Variants in DAO observed in about 807,000 individuals in gnomAD.
DAO encodes D-amino acid oxidase.
DAO carries 51 observed loss-of-function variants against 50.1 expected under a neutral mutation model. That is an observed-to-expected ratio of 1.02 (90% confidence interval 0.81 to 1.29). The LOEUF (loss-of-function observed/expected upper bound fraction) is 1.29. Ranked by LOEUF, DAO falls within the 50% of genes most tolerant of loss-of-function variation. The pLI is 0.00. For missense variants in DAO, 436 were observed against 439.4 expected (o/e 0.99, Z 0.07); for synonymous variants, 160 against 166.2 (o/e 0.96, Z 0.29).
At chr12:108,895,046 A>G (rs1206694446) in intron 7 of DAO, among the ~76,000 whole-genome samples, 2 of 152,234 alleles carry the variant, frequency 1.3e-5, no homozygotes, top group Non-Finnish European at 2.9e-5. Context: ...TGATGGCCAC[A>G]GCCCTTCGAG....
intron 8 of DAO, 49 bp from the exon 9 acceptor site, chr12:108,898,630 T>C (rs1462963826): frequency 2.4e-6 from 3 of 1,273,096 alleles, no homozygotes; most frequent in Admixed American, 3.4e-5. Context: ...TTTATTCATC[T>C]CAGAGCCTTC....
rs141263834 is a variant in DAO at position 108,885,051 on chromosome 12, C to T, written c.45C>T (p.Thr15=). 221 of 1,614,158 alleles carry T rather than the reference C, an allele frequency of 1.4e-4. 2 individuals carry two copies. In the African/African-American group the frequency reaches 2.5e-3, roughly 18 times the overall value. The change falls in exon 2 of 11, where the codon ACC becomes ACT. Residue 15 remains threonine, a synonymous_variant. Transcript: ENST00000228476. ...GAGCAGGAGTCATCGGGCTGTCCAC[C>T]GCCCTCTGCATCCATGAGCGCTACC... is the stretch of plus-strand genomic sequence containing the variant. ...VIGAGVIGLS[T]ALCIHERYHS...
chr12:108,899,264 T>C (rs978000132), intron 9 of DAO, 113 bp from the exon 10 acceptor site: 11 of 733,914 alleles, frequency 1.5e-5, no homozygotes, highest in Non-Finnish European at 2.4e-5. Context: ...AAGATGACTG[T>C]GATTATATTA....
At chr12:108,896,983 A>G (rs765102750) in intron 7 of DAO, 23 bp from the exon 8 acceptor site, 19 of 1,598,136 alleles carry the variant, frequency 1.2e-5, no homozygotes, top group Middle Eastern at 3.3e-4. Flanking sequence ...CGCTGATGAG[A>G]CTTTCCTGCC....
intron 1 of DAO, among the ~76,000 whole-genome samples, chr12:108,882,168 T>C (rs1168089151): frequency 6.6e-6 from 1 of 152,116 alleles, no homozygotes; most frequent in Non-Finnish European, 1.5e-5. Context: ...CAGGAGCTGA[T>C]ATTCCAGTGA....
chr12:108,897,230 T>G, intron 8 of DAO, 142 bp downstream of exon 8: 1 of 684,664 alleles, frequency 1.5e-6, no homozygotes, highest in Non-Finnish European at 2.6e-6. Flanking sequence ...TATTATTATT[T>G]TTTGAGACAG....
At chr12:108,892,055 C>A (rs115462905) in intron 5 of DAO, among the ~76,000 whole-genome samples, 1 of 151,770 alleles carries the variant, frequency 6.6e-6, no homozygotes, top group African/African-American at 2.4e-5. Flanking sequence ...GTTTTTCTAT[C>A]TTGAGGAAAT....
intron 2 of DAO, among the ~76,000 whole-genome samples, chr12:108,885,966 G>T (rs1377942188): frequency 6.6e-6 from 1 of 152,168 alleles, no homozygotes; most frequent in Non-Finnish European, 1.5e-5. Flanking sequence ...TGGCCAGACT[G>T]GTCTCGAACT....
chr12:108,887,595 G>T, intron 3 of DAO, 31 bp downstream of exon 3: 1 of 1,513,330 alleles, frequency 6.6e-7, no homozygotes, highest in South Asian at 1.1e-5. Flanking sequence ...CATGAGGGAT[G>T]AGCACCCAGG....
At chr12:108,881,162 T>TCACACACACACA (rs66697500) in intron 1 of DAO, among the ~76,000 whole-genome samples, 2,168 of 139,256 alleles carry the variant, frequency 0.016, 48 homozygotes, top group African/African-American at 0.046. Flanking sequence ...GACATTCTAA[T>TCACACACACACA]CACACACACA....
chr12:108,900,369 T>A (rs1253677893), intron 10 of DAO, 35 bp from the exon 11 acceptor site: 1 of 1,612,278 alleles, frequency 6.2e-7, no homozygotes, highest in African/African-American at 1.3e-5. Context: ...ACTGTCCCTC[T>A]CGGACCTGGC....
At chr12:108,895,267 A>ATGTG (rs377729036) in intron 7 of DAO, among the ~76,000 whole-genome samples, 2 of 144,336 alleles carry the variant, frequency 1.4e-5, no homozygotes, top group African/African-American at 5.1e-5. Flanking sequence ...GTGTGCATGT[A>ATGTG]TGTGTGTGTG....
chr12:108,890,341 G>C, intron 5 of DAO, 68 bp downstream of exon 5: 1 of 1,252,748 alleles, frequency 8.0e-7, no homozygotes, highest in Non-Finnish European at 1.2e-6. Context: ...AAGATGGTTC[G>C]TGGGCTTCCC....
intron 1 of DAO, among the ~76,000 whole-genome samples, 200 bp from the exon 2 acceptor site, chr12:108,884,798 C>T (rs993228842): frequency 1.1e-4 from 16 of 152,184 alleles, no homozygotes; most frequent in African/African-American, 3.4e-4. Context: ...GTCTCGGTCA[C>T]TTCTCCATAC....
chr12:108,895,269 G>A (rs553473721), intron 7 of DAO, among the ~76,000 whole-genome samples: 1 of 151,430 alleles, frequency 6.6e-6, no homozygotes, highest in East Asian at 1.9e-4. Flanking sequence ...GTGCATGTAT[G>A]TGTGTGTGTG....
rs145087206 is a variant in DAO, at chr12:108,888,068, C to T, written c.309+504C>T. Among the ~76,000 whole-genome samples, 238 of 152,264 alleles carry T rather than the reference C, an allele frequency of 1.6e-3. 4 individuals carry two copies. The highest frequency in any genetic ancestry group is 1.5e-4 in the Non-Finnish European group (10 of 68,030). ...TATCCTCACTTAATAAATGAGAAAA[C>T]GGAGGCTCCAAGAAATGGAGTAACT... On this transcript the variant is annotated intron_variant, in intron 3 of 10. Coordinates refer to ENST00000228476, the MANE Select transcript of DAO (RefSeq NM_001917.5).
chr12:108,888,811 C>A (rs113082488), intron 3 of DAO, among the ~76,000 whole-genome samples: 104 of 152,280 alleles, frequency 6.8e-4, no homozygotes, highest in African/African-American at 2.4e-3. Flanking sequence ...CTATTTCTGA[C>A]TTTTCCCCTA....
intron 7 of DAO, 82 bp downstream of exon 7, chr12:108,894,449 C>A: frequency 1.7e-6 from 2 of 1,177,586 alleles, no homozygotes; most frequent in Non-Finnish European, 2.5e-6. Context: ...AGATCATGGA[C>A]AAATCAGGAA....
chr12:108,881,052 G>A (rs1289632610), intron 1 of DAO, among the ~76,000 whole-genome samples: 4 of 152,130 alleles, frequency 2.6e-5, no homozygotes, highest in South Asian at 4.1e-4. Flanking sequence ...TAGAGCAGTT[G>A]AGAGGATTGA....
Sources: allele counts gnomAD v4.1 joint callset (sites outside exome capture counted in the v4.1 genomes callset), GRCh38; gene constraint gnomAD v4.1.1; transcripts MANE v1.5; gene names NCBI Gene and HGNC (gene_info 2026-07-23, HGNC 2026-07-21).